Variants in SEPTIN7 observed in about 807,000 individuals in gnomAD.
SEPTIN7 encodes septin-7.
A neutral mutation model predicts 63.3 loss-of-function variants in SEPTIN7; 10 were observed. The observed-to-expected ratio is 0.16, with a 90% CI of 0.10 to 0.27. The LOEUF (loss-of-function observed/expected upper bound fraction) is 0.27. Among genes scored for constraint, SEPTIN7 ranks in the 10% least tolerant of loss-of-function variants. The pLI is 1.00. For missense variants in SEPTIN7, 310 were observed against 521.0 expected (o/e 0.59, Z 3.94); for synonymous variants, 131 against 165.3 (o/e 0.79, Z 1.59).
At chr7:35,847,645 A>G (rs1222757706) in intron 3 of SEPTIN7, among the ~76,000 whole-genome samples, 1 of 152,096 alleles carries the variant, frequency 6.6e-6, no homozygotes, top group Non-Finnish European at 1.5e-5. Flanking sequence ...CTAGCTTTTT[A>G]TTAAGTATAG....
intron 3 of SEPTIN7, among the ~76,000 whole-genome samples, chr7:35,841,954 T>G (rs185816082): frequency 6.6e-6 from 1 of 152,338 alleles, no homozygotes; most frequent in East Asian, 1.9e-4. Flanking sequence ...CTGTATCACA[T>G]AAGTCTGAAA....
chr7:35,801,022 C>T, upstream of SEPTIN7: 1 of 461,708 alleles, frequency 2.2e-6, no homozygotes, highest in Non-Finnish European at 3.8e-6. Context: ...CCGGAAGCCT[C>T]GTCTGAGGGG....
intron 3 of SEPTIN7, among the ~76,000 whole-genome samples, chr7:35,848,454 T>G (rs1784802653): frequency 6.6e-6 from 1 of 152,010 alleles, no homozygotes. Flanking sequence ...TTTTTTTTAG[T>G]AGAGACGGGG....
intron 10 of SEPTIN7, chr7:35,888,940 C>T (rs1787461897): frequency 3.4e-6 from 1 of 290,468 alleles, no homozygotes; most frequent in Non-Finnish European, 7.0e-6. Flanking sequence ...AAGTGTTTAT[C>T]ATATCTCAGC....
the SEPTIN7 span, among the ~76,000 whole-genome samples, chr7:35,915,095 G>A: frequency 1.6e-3 from 227 of 138,532 alleles, 1 homozygote; most frequent in Non-Finnish European, 2.6e-3. Context: ...GTATATATGC[G>A]TATGTACACA....
intron 1 of SEPTIN7, among the ~76,000 whole-genome samples, chr7:35,812,836 T>C (rs1321626676): frequency 6.6e-6 from 1 of 152,260 alleles, no homozygotes; most frequent in Non-Finnish European, 1.5e-5. Context: ...AATATGTCTA[T>C]TATTTATAGT....
At chr7:35,853,356 G>A (rs1336240944) in intron 3 of SEPTIN7, among the ~76,000 whole-genome samples, 1 of 152,182 alleles carries the variant, frequency 6.6e-6, no homozygotes, top group Non-Finnish European at 1.5e-5. Context: ...AGCCCAGCAG[G>A]CAGAAATTGC....
At position 35,801,087 on chromosome 7, in the gene SEPTIN7, C is replaced by A; in HGVS notation, c.-123C>A. ...AGCGAGAGCCTGTGGAGGAGTCCGC[C>A]TGCTGTAGCGTGCGTAAGCAAGGCA... On this transcript the variant is annotated 5_prime_UTR_variant, in exon 1 of 14. In the 5' UTR this introduces an upstream ATG that the reference lacks. Coordinates refer to ENST00000350320, the MANE Select transcript of SEPTIN7 (RefSeq NM_001788.6). The A allele has an allele frequency of 1.4e-6, 1 of 689,808 alleles. No homozygotes were observed. 42.7% of individuals were successfully genotyped at this position (689,808 alleles called of 1,614,324 possible). A position where few individuals can be genotyped will look rare whatever the true frequency, so the allele number is the denominator to read the frequency against.
intron 4 of SEPTIN7, among the ~76,000 whole-genome samples, chr7:35,869,695 C>T (rs1810992993): frequency 6.6e-6 from 1 of 152,094 alleles, no homozygotes; most frequent in South Asian, 2.1e-4. Flanking sequence ...ACTCAGTATA[C>T]TGGAACTCTT....
At chr7:35,840,781 A>G (rs139394848) in intron 3 of SEPTIN7, among the ~76,000 whole-genome samples, 245 of 152,330 alleles carry the variant, frequency 1.6e-3, no homozygotes, top group African/African-American at 5.7e-3. Flanking sequence ...GGAAAACAGT[A>G]TACACATAAC....
At chr7:35,808,977 A>G (rs758807538) in intron 1 of SEPTIN7, among the ~76,000 whole-genome samples, 1 of 152,240 alleles carries the variant, frequency 6.6e-6, no homozygotes, top group Non-Finnish European at 1.5e-5. Flanking sequence ...TCTTTGAAGC[A>G]GGAGACTACC....
chr7:35,846,144 C>T (rs1490838630), intron 3 of SEPTIN7, among the ~76,000 whole-genome samples: 1 of 152,178 alleles, frequency 6.6e-6, no homozygotes, highest in African/African-American at 2.4e-5. Flanking sequence ...TTAGGCATAG[C>T]TGTAATACCA....
At chr7:35,880,175 A>G (rs1786745744) in intron 7 of SEPTIN7, among the ~76,000 whole-genome samples, 1 of 100,408 alleles carries the variant, frequency 1.0e-5, no homozygotes, top group African/African-American at 4.0e-5. Flanking sequence ...TACTCTTTAG[A>G]ATTATTTTCT....
At chr7:35,856,215 TATA>T (rs1368774174) in intron 3 of SEPTIN7, among the ~76,000 whole-genome samples, 1 of 152,234 alleles carries the variant, frequency 6.6e-6, no homozygotes, top group African/African-American at 2.4e-5. Context: ...ATTATAGAAT[TATA>T]ATAATGGAAT....
At chr7:35,810,546 A>G (rs1021540028) in intron 1 of SEPTIN7, among the ~76,000 whole-genome samples, 5 of 151,932 alleles carry the variant, frequency 3.3e-5, no homozygotes, top group Non-Finnish European at 7.4e-5. Flanking sequence ...GATGGTCTCA[A>G]TCTCCTGACC....
intron 6 of SEPTIN7, among the ~76,000 whole-genome samples, chr7:35,877,746 A>G (rs924446721): frequency 3.9e-5 from 6 of 152,146 alleles, no homozygotes; most frequent in African/African-American, 1.2e-4. Context: ...TTTTTTGTCA[A>G]CAAATATTTG....
chr7:35,841,568 C>T (rs1784409191), intron 3 of SEPTIN7, among the ~76,000 whole-genome samples: 1 of 152,152 alleles, frequency 6.6e-6, no homozygotes, highest in South Asian at 2.1e-4. Flanking sequence ...CCTAGAGAAA[C>T]TGTTCTCTTG....
At chr7:35,848,413 G>A (rs10266058) in intron 3 of SEPTIN7, among the ~76,000 whole-genome samples, 125 of 151,866 alleles carry the variant, frequency 8.2e-4, no homozygotes, top group African/African-American at 2.9e-3. Flanking sequence ...GACCACAGGC[G>A]CCCACCACCA....
chr7:35,891,381 A>G (rs1240330220), intron 11 of SEPTIN7, among the ~76,000 whole-genome samples: 1 of 152,212 alleles, frequency 6.6e-6, no homozygotes, highest in African/African-American at 2.4e-5. Context: ...GAGTATCTAC[A>G]CAAACCTAGA....
Sources: allele counts gnomAD v4.1 joint callset (sites outside exome capture counted in the v4.1 genomes callset), GRCh38; gene constraint gnomAD v4.1.1; transcripts MANE v1.5; gene names NCBI Gene and HGNC (gene_info 2026-07-23, HGNC 2026-07-21).